PKHD1L1: variants seen among roughly 807,000 people sequenced by gnomAD.
The protein encoded by PKHD1L1 is PKHD1 like 1, also known as fibrocystin-L.
In PKHD1L1, 434 loss-of-function variants were observed where a neutral mutation model predicts 462.9. That is an observed-to-expected ratio of 0.94 (90% CI 0.87 to 1.02). The LOEUF is 1.02. Ranked by LOEUF, PKHD1L1 falls within the 50% of genes least tolerant of loss-of-function variation. The pLI, the probability that PKHD1L1 is intolerant of heterozygous loss-of-function variation, is 0.00. For missense variants in PKHD1L1, 5,202 were observed against 5,096.1 expected, an observed-to-expected ratio of 1.02 and a Z score of -0.63; for synonymous variants, 1,781 against 1,750.0, an observed-to-expected ratio of 1.02 and a Z score of -0.44.
In PKHD1L1 at chr8:109,435,484, C is replaced by G. The variant is rs796181992; in HGVS notation, c.3505+130C>G. The G allele has an allele frequency of 7.1e-6, 7 of 981,654 alleles. No homozygotes were observed. In the African/African-American group the frequency reaches 1.1e-4, roughly 16 times the overall value. 60.8% of individuals were successfully genotyped at this position (981,654 alleles called of 1,614,324 possible). ...TTATAGAACAAAGGAAAGTCTCCTT[C>G]GAGAAGGTACAGTGATTAAATGGCT... On this transcript the variant is annotated intron_variant, in intron 29 of 77. Coordinates refer to ENST00000378402, the MANE Select transcript of PKHD1L1 (RefSeq NM_177531.6).
rs1217183148 is a variant in PKHD1L1, at chr8:109,523,395, A to G, written c.12484+9A>G. On this transcript the variant is annotated intron_variant, in intron 76 of 77. Coordinates refer to ENST00000378402, the MANE Select transcript of PKHD1L1 (RefSeq NM_177531.6). The stretch of plus-strand genomic sequence containing the variant: ...TACTCCCCTTAGAACAGGTGGGTGC[A>G]CTATTTTGGATCCTCACATATATAG... 1.2e-6 allele frequency: 2 copies of G among 1,604,402 alleles called. No homozygotes were observed. The highest frequency in any genetic ancestry group is 1.7e-6 in the Non-Finnish European group (2 of 1,173,422).
In PKHD1L1 at chr8:109,479,899, C is replaced by G. The variant is rs372063503; in HGVS notation, c.9179-92C>G. The G allele has an allele frequency of 1.0e-5, 13 of 1,253,824 alleles. 1 individual carries two copies. The highest frequency in any genetic ancestry group is 4.6e-5 in the African/African-American group (3 of 64,690). 77.7% of individuals were successfully genotyped at this position (1,253,824 alleles called of 1,614,324 possible). A position where few individuals can be genotyped will look rare whatever the true frequency, so the allele number is the denominator to read the frequency against. On this transcript the variant is annotated intron_variant, in intron 54 of 77. Coordinates refer to ENST00000378402, the MANE Select transcript of PKHD1L1 (RefSeq NM_177531.6). The stretch of plus-strand genomic sequence containing the variant: ...TATGAAAAGACATGTCATAAACACT[C>G]AAAACTAGGACTCACTGATAAGCTT...
Position 109,464,333 on chromosome 8 carries a change from A to G in PKHD1L1, c.7501A>G (p.Arg2501Gly). 1 of 1,613,412 alleles carries G rather than the reference A, an allele frequency of 6.2e-7. No homozygotes were observed. Residue 2501 changes from arginine (R) to glycine (G), a missense_variant, in exon 49 of 78, where the codon AGA becomes GGA. By Grantham distance (125) the Arg-to-Gly change is moderately radical. This residue lies in a region of PKHD1L1 where 4,497 missense variants were observed against 4,336.8 expected (regional missense o/e 1.04). Coordinates refer to ENST00000378402, the MANE Select transcript of PKHD1L1 (RefSeq NM_177531.6). Reference protein sequence around the residue: ...RGCAIHQAYNRAVTIHNTHHL... With the variant: ...RGCAIHQAYNGAVTIHNTHHL... ...CTGTGCAATTCACCAGGCCTATAACAGAGCTGTTACTATTCATAACACACA... is the reference window on the plus strand; with the variant it reads ...CTGTGCAATTCACCAGGCCTATAACGGAGCTGTTACTATTCATAACACACA...
chr8:109,476,213 G>A (rs1817979310), intron 51 of PKHD1L1, among the ~76,000 whole-genome samples: 1 of 150,298 alleles, frequency 6.7e-6, no homozygotes, highest in Non-Finnish European at 1.5e-5. Flanking sequence ...GTGTGTGTAT[G>A]CATATATATA....
intron 2 of PKHD1L1, 38 bp from the exon 3 acceptor site, chr8:109,381,332 A>G: frequency 9.3e-6 from 14 of 1,502,512 alleles, no homozygotes; most frequent in Non-Finnish European, 1.3e-5. Flanking sequence ...TGAAGATAGA[A>G]TACCATTAAT....
intron 21 of PKHD1L1, among the ~76,000 whole-genome samples, chr8:109,418,119 G>A (rs1814278074): frequency 6.6e-6 from 1 of 152,094 alleles, no homozygotes; most frequent in Non-Finnish European, 1.5e-5. Context: ...ATCATTTTCA[G>A]TCTCCTTTTC....
intron 19 of PKHD1L1, among the ~76,000 whole-genome samples, chr8:109,412,009 A>G (rs1003162052): frequency 6.6e-6 from 1 of 152,188 alleles, no homozygotes; most frequent in African/African-American, 2.4e-5. Context: ...GAGAATGAAT[A>G]AATACCCGTA....
Position 109,456,270 on chromosome 8 carries a change from G to A in PKHD1L1, c.6883G>A (p.Val2295Ile), listed in dbSNP as rs1371723386. The A allele has an allele frequency of 6.2e-7, 1 of 1,612,410 alleles. No homozygotes were observed. The highest frequency in any genetic ancestry group is 8.5e-7 in the Non-Finnish European group (1 of 1,179,166). ...GTGTATGTTGGTTCTAGGTGTGCCT[G>A]TTCCTGTGACCTGGACTCGCTTGGC... The part of the protein sequence containing the change: ...EGILDLHGVP[V>I]PVTWTRLAHT... The change falls in exon 46 of 78, where the codon GTT becomes ATT. Residue 2295 changes from valine to isoleucine, a missense_variant. Val to Ile is a conservative substitution (Grantham distance 29). Transcript: ENST00000378402.
chr8:109,444,060 A>G lies in PKHD1L1; in HGVS notation c.4791+158A>G, dbSNP rs964275714. ...AGTGTACAATTCATAAACTTTTAGC[A>G]TAGGCCCAGAGTTGGCATTCATCAC... On this transcript the variant is annotated intron_variant, in intron 37 of 77. Coordinates refer to ENST00000378402, the MANE Select transcript of PKHD1L1 (RefSeq NM_177531.6). Among the ~76,000 whole-genome samples, 5 of 152,136 alleles carry G rather than the reference A, an allele frequency of 3.3e-5. No individual in the cohort carries two copies. The East Asian group carries it at 9.6e-4, about 29-fold the overall frequency.
intron 57 of PKHD1L1, among the ~76,000 whole-genome samples, chr8:109,484,384 C>T (rs1818423504): frequency 6.6e-6 from 1 of 151,790 alleles, no homozygotes; most frequent in South Asian, 2.1e-4. Flanking sequence ...CATGGAACTT[C>T]CATTGGAGTG....
chr8:109,516,641 A>G (rs1783168), intron 72 of PKHD1L1, among the ~76,000 whole-genome samples: 69,485 of 151,944 alleles, frequency 0.46, 16,791 homozygotes, highest in African/African-American at 0.61. Context: ...AAACCCATGC[A>G]CTTAACCATT....
rs765455895 is a variant in PKHD1L1 at position 109,526,769 on chromosome 8, GC to G, written c.12485-14del. ...CATAAAGGAAATCAAACACTATGAT[GC>G]TTTTTTTTTCCAGGAAAAAATTATA... is the stretch of plus-strand genomic sequence containing the variant. On this transcript the variant is annotated splice_polypyrimidine_tract_variant and intron_variant, in intron 76 of 77. Coordinates refer to ENST00000378402, the MANE Select transcript of PKHD1L1 (RefSeq NM_177531.6). 6.0e-5 allele frequency: 92 copies of G among 1,528,774 alleles called. No homozygotes were observed. The African/African-American group carries it at 1.2e-3, about 19-fold the overall frequency. The allele number at this position is 1,528,774 out of a possible 1,614,324, so 94.7% of individuals were successfully genotyped here.
At chr8:109,429,501 T>G (rs772544781) in intron 26 of PKHD1L1, 39 bp downstream of exon 26, 5 of 1,565,122 alleles carry the variant, frequency 3.2e-6, no homozygotes, top group Non-Finnish European at 4.4e-6. Context: ...TAATGTAATT[T>G]TAATAGTATA....
Position 109,448,370 on chromosome 8 carries a change from C to A in PKHD1L1, c.6004C>A (p.Gln2002Lys). The A allele has an allele frequency of 3.7e-6, 6 of 1,612,088 alleles. No individual in the cohort carries two copies. The highest frequency in any genetic ancestry group is 5.1e-6 in the Non-Finnish European group (6 of 1,178,888). ...TVVFEYPLNI[Q>K]NINPSQGSFG... ...TGTATTTGAGTACCCGCTTAATATT[C>A]AAAATATTAATCCAAGCCAAGGTAG... The change falls in exon 39 of 78, where the codon CAA becomes AAA. Residue 2002 changes from glutamine (Q) to lysine (K), a missense_variant. By Grantham distance (53) the Gln-to-Lys change is moderately conservative. Transcript: ENST00000378402.
At chr8:109,366,119 A>C (rs1811218750) in intron 2 of PKHD1L1, among the ~76,000 whole-genome samples, 1 of 152,174 alleles carries the variant, frequency 6.6e-6, no homozygotes, top group Non-Finnish European at 1.5e-5. Context: ...AAAACATTCT[A>C]TTCTTTGGAA....
chr8:109,416,313 C>A, intron 21 of PKHD1L1, among the ~76,000 whole-genome samples: 1 of 152,110 alleles, frequency 6.6e-6, no homozygotes, highest in East Asian at 1.9e-4. Flanking sequence ...CTTGTTTACA[C>A]AAAGTTCATT....
intron 19 of PKHD1L1, 91 bp from the exon 20 acceptor site, chr8:109,412,174 G>GGGTTGAACCTTGAGT: frequency 3.1e-6 from 4 of 1,311,052 alleles, no homozygotes; most frequent in Non-Finnish European, 4.3e-6. Flanking sequence ...AATGGGATCT[G>GGGTTGAACCTTGAGT]GGTTGAACCT....
intron 48 of PKHD1L1, among the ~76,000 whole-genome samples, chr8:109,463,340 G>A (rs904949296): frequency 1.3e-5 from 2 of 152,048 alleles, no homozygotes; most frequent in South Asian, 4.1e-4. Context: ...GGCACACCTC[G>A]ACTGCATTGA....
chr8:109,465,788 T>G (rs1817410084), intron 49 of PKHD1L1, among the ~76,000 whole-genome samples: 1 of 152,208 alleles, frequency 6.6e-6, no homozygotes, highest in African/African-American at 2.4e-5. Flanking sequence ...AATTTGTAAT[T>G]TATTCAAAGA....
Sources: allele counts gnomAD v4.1 joint callset (sites outside exome capture counted in the v4.1 genomes callset), GRCh38; gene constraint gnomAD v4.1.1; regional missense constraint gnomAD v4.1.1; transcripts MANE v1.5; gene names NCBI Gene and HGNC (gene_info 2026-07-23, HGNC 2026-07-21).